ZDHHC21: variants seen among roughly 807,000 people sequenced by gnomAD.
ZDHHC21 encodes zDHHC palmitoyltransferase 21, also known as palmitoyltransferase ZDHHC21.
ZDHHC21 carries 15 observed loss-of-function variants against 34.6 expected under a neutral mutation model. The observed-to-expected ratio is 0.43, with a 90% CI of 0.29 to 0.67. The LOEUF (loss-of-function observed/expected upper bound fraction) is 0.67. Ranked by LOEUF, ZDHHC21 falls within the 30% of genes least tolerant of loss-of-function variation. The pLI is 0.14. For missense variants in ZDHHC21, 344 were observed against 327.7 expected (o/e 1.05, Z -0.38); for synonymous variants, 142 against 101.8 (o/e 1.40, Z -2.38).
chr9:14,631,378 C>T (rs1440460495), intron 8 of ZDHHC21, among the ~76,000 whole-genome samples: 6 of 152,172 alleles, frequency 3.9e-5, no homozygotes, highest in Non-Finnish European at 7.4e-5. Context: ...TGGGGCCTTG[C>T]TCTGGATTAG....
chr9:14,599,676 C>A, the ZDHHC21 span, among the ~76,000 whole-genome samples: 1 of 152,044 alleles, frequency 6.6e-6, no homozygotes, highest in Non-Finnish European at 1.5e-5. Context: ...CACACCCCCA[C>A]AGAGCCCAGC....
intron 8 of ZDHHC21, among the ~76,000 whole-genome samples, chr9:14,637,354 T>C (rs1828490377): frequency 6.6e-6 from 1 of 151,906 alleles, no homozygotes; most frequent in Non-Finnish European, 1.5e-5. Context: ...TGGGTAGAAA[T>C]AGAAAACTTG....
intron 4 of ZDHHC21, 99 bp from the exon 5 acceptor site, chr9:14,673,027 C>A: frequency 1.4e-6 from 1 of 689,952 alleles, no homozygotes; most frequent in Middle Eastern, 4.4e-4. Context: ...TAACAAACAC[C>A]ATCAGGAGAA....
chr9:14,685,858 T>C (rs893575797), intron 2 of ZDHHC21, among the ~76,000 whole-genome samples: 9 of 152,184 alleles, frequency 5.9e-5, no homozygotes, highest in African/African-American at 2.2e-4. Flanking sequence ...TTATACACCA[T>C]GGAATACTAT....
Position 14,636,461 on chromosome 9 carries a change from G to A in ZDHHC21, c.621+3435C>T, listed in dbSNP as rs1474107403. 5.9e-5 allele frequency among the ~76,000 whole-genome samples: 9 copies of A among 152,102 alleles called. No homozygotes were observed. In the South Asian group the frequency reaches 1.7e-3, roughly 28 times the overall value. ...GATAGACTCTAATACAGTAATAGTT[G>A]AGGACTTGGACACAGGATTCTCAGC... is the stretch of plus-strand genomic sequence containing the variant. On this transcript the variant is annotated intron_variant, in intron 8 of 9. Coordinates refer to ENST00000380916, the MANE Select transcript of ZDHHC21 (RefSeq NM_178566.6).
the ZDHHC21 span, among the ~76,000 whole-genome samples, chr9:14,594,573 A>G: frequency 6.6e-6 from 1 of 152,320 alleles, no homozygotes; most frequent in East Asian, 1.9e-4. Context: ...AATGGATCAC[A>G]GTAGATATAA....
chr9:14,619,608 A>G (rs1371735805), intron 9 of ZDHHC21, 31 bp downstream of exon 9: 15 of 1,369,706 alleles, frequency 1.1e-5, no homozygotes, highest in Non-Finnish European at 1.5e-5. Context: ...CCAATTTTAA[A>G]TAATACTATA....
chr9:14,604,480 G>A, the ZDHHC21 span, among the ~76,000 whole-genome samples: 1 of 152,238 alleles, frequency 6.6e-6, no homozygotes. Flanking sequence ...AAACATTCAT[G>A]AAAATAATTC....
intron 5 of ZDHHC21, among the ~76,000 whole-genome samples, chr9:14,670,183 T>G (rs371326418): frequency 1.2e-4 from 19 of 152,242 alleles, no homozygotes; most frequent in Admixed American, 2.6e-4. Context: ...TATTCATTAT[T>G]GGTAATTTCT....
chr9:14,647,061 G>A (rs1229051039), intron 7 of ZDHHC21, among the ~76,000 whole-genome samples: 1 of 152,078 alleles, frequency 6.6e-6, no homozygotes, highest in Admixed American at 6.6e-5. Flanking sequence ...TACAAGGACT[G>A]TTTCACATGT....
At chr9:14,619,542 T>A (rs1417919681) in intron 9 of ZDHHC21, 97 bp downstream of exon 9, 1 of 1,019,372 alleles carries the variant, frequency 9.8e-7, no homozygotes, top group African/African-American at 1.7e-5. Flanking sequence ...GAAAAAGCCA[T>A]CATTATATTA....
rs1217167082 is a variant in ZDHHC21, at chr9:14,614,023, C to T, written c.*4943G>A. On this transcript the variant is annotated 3_prime_UTR_variant, in exon 10 of 10. Coordinates refer to ENST00000380916, the MANE Select transcript of ZDHHC21 (RefSeq NM_178566.6). ...TAAGTTAAATAATTCAAACTAAATG[C>T]TTATATGCACTAACAACTCTTCCCA... The T allele has an allele frequency of 6.6e-6, 1 of 151,670 alleles. No individual in the cohort carries two copies. Among genetic ancestry groups the T allele is most frequent in the Admixed American group, 6.6e-5 (1 of 15,174 alleles). 9.4% of individuals were successfully genotyped at this position (151,670 alleles called of 1,614,324 possible).
chr9:14,601,482 A>T, the ZDHHC21 span, among the ~76,000 whole-genome samples: 5 of 152,218 alleles, frequency 3.3e-5, no homozygotes, highest in Non-Finnish European at 5.9e-5. Context: ...CAACCATTAA[A>T]AAGTCAGGAA....
At chr9:14,655,509 G>C (rs1832051340) in intron 7 of ZDHHC21, among the ~76,000 whole-genome samples, 1 of 151,896 alleles carries the variant, frequency 6.6e-6, no homozygotes, top group South Asian at 2.1e-4. Context: ...TTGTTATCAT[G>C]TGATTTTTTT....
the ZDHHC21 span, among the ~76,000 whole-genome samples, chr9:14,592,816 TG>T: frequency 6.6e-6 from 1 of 152,172 alleles, no homozygotes; most frequent in Non-Finnish European, 1.5e-5. Flanking sequence ...ATACAAAGTG[TG>T]TTTTACAGCC....
rs192300730 is a variant in ZDHHC21 at position 14,646,632 on chromosome 9, C to T, written c.505-6620G>A. 8.8e-4 allele frequency among the ~76,000 whole-genome samples: 134 copies of T among 152,118 alleles called. 1 individual carries two copies. The highest frequency in any genetic ancestry group is 3.1e-3 in the African/African-American group (129 of 41,518). On this transcript the variant is annotated intron_variant, in intron 7 of 9. Coordinates refer to ENST00000380916, the MANE Select transcript of ZDHHC21 (RefSeq NM_178566.6). ...CTTGCTATTTCTCAGACATAGCTAG[C>T]GAACTTTCAAATCAGGACTGCTGCA...
intron 3 of ZDHHC21, among the ~76,000 whole-genome samples, chr9:14,675,617 C>A (rs1836234680): frequency 6.6e-6 from 1 of 152,080 alleles, no homozygotes; most frequent in African/African-American, 2.4e-5. Context: ...TGAGCCTCCA[C>A]TACACACCTA....
At chr9:14,643,826 C>T (rs560502836) in intron 7 of ZDHHC21, among the ~76,000 whole-genome samples, 119 of 152,294 alleles carry the variant, frequency 7.8e-4, no homozygotes, top group African/African-American at 2.6e-3. Flanking sequence ...AGTATCCATA[C>T]ATGCATGGGC....
chr9:14,692,596 G>T (rs1046241435), intron 1 of ZDHHC21, among the ~76,000 whole-genome samples: 1 of 143,630 alleles, frequency 7.0e-6, no homozygotes, highest in Non-Finnish European at 1.5e-5. Flanking sequence ...GAAAAAGACC[G>T]TAACTTAAAT....
Sources: gnomAD v4.1 joint callset for allele counts (sites outside exome capture counted in the v4.1 genomes callset) on GRCh38, gnomAD v4.1.1 for gene constraint, MANE v1.5 for transcripts, NCBI Gene and HGNC (gene_info 2026-07-23, HGNC 2026-07-21) for gene names.